Variants in GRM4 observed in about 807,000 individuals in gnomAD.
The protein encoded by GRM4 is metabotropic glutamate receptor 4.
GRM4 carries 28 observed loss-of-function variants against 81.7 expected under a neutral mutation model. That is an observed-to-expected ratio of 0.34 (90% CI 0.25 to 0.47). The LOEUF (loss-of-function observed/expected upper bound fraction) is 0.47, where lower values mean the gene tolerates loss of function less well. GRM4 is among the 20% of genes least tolerant of loss of function. GRM4 has a pLI of 1.00. For missense variants in GRM4, 948 were observed against 1,290.0 expected (o/e 0.73, Z 4.06); for synonymous variants, 488 against 528.8 (o/e 0.92, Z 1.06).
intron 3 of GRM4, among the ~76,000 whole-genome samples, chr6:34,086,212 T>C (rs1767882129): frequency 6.6e-6 from 1 of 152,180 alleles, no homozygotes; most frequent in Non-Finnish European, 1.5e-5. Context: ...GCCGAGAGTC[T>C]CACAGCCCAC....
At chr6:34,099,685 TCA>T (rs901239321) in intron 2 of GRM4, among the ~76,000 whole-genome samples, 10 of 152,076 alleles carry the variant, frequency 6.6e-5, no homozygotes, top group African/African-American at 2.4e-4. Flanking sequence ...CACGGAGGCC[TCA>T]CACACCCACG....
At chr6:34,086,626 G>A (rs1473506363) in intron 3 of GRM4, among the ~76,000 whole-genome samples, 3 of 152,184 alleles carry the variant, frequency 2.0e-5, no homozygotes, top group African/African-American at 7.2e-5. Flanking sequence ...AGGTGACCCC[G>A]TGGATAGGAC....
intron 8 of GRM4, 62 bp downstream of exon 8, chr6:34,040,116 C>G: frequency 6.5e-7 from 1 of 1,533,192 alleles, no homozygotes; most frequent in South Asian, 1.1e-5. Context: ...CCCTTGGGCC[C>G]CCCTCCCAGG....
chr6:34,078,806 G>C lies in GRM4; in HGVS notation c.736+13077C>G, dbSNP rs116336273. On this transcript the variant is annotated intron_variant, in intron 3 of 10. Coordinates refer to ENST00000538487, the MANE Select transcript of GRM4 (RefSeq NM_000841.4). This position sits in a 1 kb window ranked among gnomAD's most constrained non-coding sequence, Gnocchi z 4.8. Reference sequence around the variant, plus strand: ...GGGCCCCAAGCCGTCTGCAAGAGTCGTTAGCTTTCCTTCTGGCTCATTAAA... The same window carrying C: ...GGGCCCCAAGCCGTCTGCAAGAGTCCTTAGCTTTCCTTCTGGCTCATTAAA... Among the ~76,000 whole-genome samples, 127 of 152,256 alleles carry C rather than the reference G, an allele frequency of 8.3e-4. No individual in the cohort carries two copies. The highest frequency in any genetic ancestry group is 1.3e-3 in the Non-Finnish European group (87 of 68,036).
At chr6:34,104,359 T>C (rs1395293012) in intron 2 of GRM4, among the ~76,000 whole-genome samples, 1 of 152,208 alleles carries the variant, frequency 6.6e-6, no homozygotes, top group Non-Finnish European at 1.5e-5. Context: ...ACTGGAGTGT[T>C]CGTGTCATCA....
chr6:34,028,302 A>G lies in GRM4; in HGVS notation c.2507T>C (p.Met836Thr). ...GATGTAGACTTTGGGCATGTAGAGC[A>G]TTCCCAGGGACACCGAGGCGCTCAG... ...VSLSASVSLG[M>T]LYMPKVYIIL... The change falls in exon 10 of 11, where the codon ATG (methionine) becomes ACG (threonine). Residue 836 changes from methionine to threonine, a missense_variant. Coordinates refer to ENST00000538487, the MANE Select transcript of GRM4 (RefSeq NM_000841.4). The G allele has an allele frequency of 6.2e-7, 1 of 1,613,622 alleles. No individual in the cohort carries two copies. The highest frequency in any genetic ancestry group is 8.5e-7 in the Non-Finnish European group (1 of 1,179,942).
intron 3 of GRM4, among the ~76,000 whole-genome samples, chr6:34,085,958 C>T (rs1270985220): frequency 2.0e-5 from 3 of 152,082 alleles, no homozygotes; most frequent in South Asian, 2.1e-4. Flanking sequence ...AGGACCAGCC[C>T]GTGCAAAGGC....
intron 6 of GRM4, among the ~76,000 whole-genome samples, chr6:34,044,727 C>CACAT (rs149504429): frequency 0.26 from 35,730 of 140,034 alleles, 6,067 homozygotes; most frequent in African/African-American, 0.43. Context: ...CATACACACA[C>CACAT]AGACATACAT....
At chr6:34,116,719 A>G (rs1043638603) in intron 2 of GRM4, among the ~76,000 whole-genome samples, 3 of 152,244 alleles carry the variant, frequency 2.0e-5, no homozygotes, top group Non-Finnish European at 2.9e-5. Flanking sequence ...ACAAATGTTA[A>G]GAGTGGCTCT....
At position 34,155,249 on chromosome 6, in the gene GRM4, T is replaced by C. The variant is rs1771127222; in HGVS notation, c.142A>G (p.Arg48Gly). The C allele has an allele frequency of 2.6e-6, 4 of 1,534,732 alleles. No homozygotes were observed. In the South Asian group the frequency reaches 4.8e-5, roughly 18 times the overall value. Reference sequence around the variant, plus strand: ...ACACACCGGCAAAATCCAAAGGACCTGGGCGGGAGGCGGCAGGTGAGGTTT... The same window carrying C: ...ACACACCGGCAAAATCCAAAGGACCCGGGCGGGAGGCGGCAGGTGAGGTTT... Residue 48 changes from arginine (R) to glycine (G), a missense_variant, in exon 1 of 9, where the codon AGG becomes GGG. Arg to Gly is a moderately radical substitution (Grantham distance 125, BLOSUM62 -2). Transcript: ENST00000374177.
intron 6 of GRM4, among the ~76,000 whole-genome samples, chr6:34,041,145 C>T (rs549195135): frequency 1.2e-4 from 19 of 152,294 alleles, no homozygotes; most frequent in Non-Finnish European, 2.5e-4. Context: ...CTGCCCCTCT[C>T]GAAGTCTGGG....
intron 8 of GRM4, among the ~76,000 whole-genome samples, chr6:34,039,121 C>T (rs1008372755): frequency 1.3e-5 from 2 of 152,196 alleles, no homozygotes; most frequent in African/African-American, 4.8e-5. Context: ...GCTCTCCACA[C>T]AGCAATCCAA....
intron 1 of GRM4, among the ~76,000 whole-genome samples, chr6:34,134,894 A>C (rs1770396001): frequency 6.6e-6 from 1 of 152,116 alleles, no homozygotes; most frequent in African/African-American, 2.4e-5. Context: ...ATTTGGGCTA[A>C]TTTCCCCCCG....
rs983910481 is a variant in GRM4 at position 34,047,722 on chromosome 6, C to T, written c.1169-6974G>A. Among the ~76,000 whole-genome samples, 9 of 152,198 alleles carry T rather than the reference C, an allele frequency of 5.9e-5. No individual in the cohort carries two copies. Among genetic ancestry groups the T allele is most frequent in the South Asian group, 2.1e-4 (1 of 4,814 alleles). On this transcript the variant is annotated intron_variant, in intron 6 of 10. Coordinates refer to ENST00000538487, the MANE Select transcript of GRM4 (RefSeq NM_000841.4). This position sits in a 1 kb window ranked among gnomAD's most constrained non-coding sequence, Gnocchi z 4.5. ...CAGTGAATGATGCATCCAGGTGTTTCGAGGGCTTAGTGGTTGGGCCAAAAG... is the reference window on the plus strand; with the variant it reads ...CAGTGAATGATGCATCCAGGTGTTTTGAGGGCTTAGTGGTTGGGCCAAAAG...
chr6:34,135,247 G>A (rs1197673292), intron 1 of GRM4, among the ~76,000 whole-genome samples: 1 of 152,178 alleles, frequency 6.6e-6, no homozygotes, highest in Non-Finnish European at 1.5e-5. Context: ...TGGGCCAAGG[G>A]GAGGGAAGGA....
chr6:34,119,183 G>A (rs1352893539), intron 2 of GRM4, among the ~76,000 whole-genome samples: 1 of 152,204 alleles, frequency 6.6e-6, no homozygotes, highest in Non-Finnish European at 1.5e-5. Flanking sequence ...ATCATTTGAG[G>A]TCAGGAGTTC....
intron 8 of GRM4, among the ~76,000 whole-genome samples, chr6:34,037,689 C>T (rs747102176): frequency 1.8e-4 from 27 of 151,958 alleles, no homozygotes; most frequent in Non-Finnish European, 3.8e-4. Flanking sequence ...ATGGTGAAAC[C>T]CCGTCTCTAC....
chr6:34,028,714 A>C (rs1000972926), intron 9 of GRM4, among the ~76,000 whole-genome samples: 2 of 152,226 alleles, frequency 1.3e-5, no homozygotes, highest in Non-Finnish European at 2.9e-5. Context: ...GTGCCATTTC[A>C]GGTTACCGCT....
intron 1 of GRM4, among the ~76,000 whole-genome samples, chr6:34,144,836 G>A (rs1470947689): frequency 6.6e-6 from 1 of 152,174 alleles, no homozygotes; most frequent in Non-Finnish European, 1.5e-5. Context: ...CCGCAAAAAA[G>A]CCTCTGCCCC....
Sources: gnomAD v4.1 joint callset for allele counts (sites outside exome capture counted in the v4.1 genomes callset) on GRCh38, gnomAD v4.1.1 for gene constraint, Gnocchi (gnomAD v3.1) non-coding constraint, MANE v1.5 for transcripts, NCBI Gene and HGNC (gene_info 2026-07-23, HGNC 2026-07-21) for gene names.